AGTPBP1: variants seen among roughly 807,000 people sequenced by gnomAD.
The protein encoded by AGTPBP1 is ATP/GTP binding carboxypeptidase 1, also known as cytosolic carboxypeptidase 1.
Under a neutral mutation model 143.9 loss-of-function variants are expected in AGTPBP1, and 70 were observed. The ratio of observed to expected loss-of-function variants is 0.49; its 90% CI spans 0.40 to 0.59. The LOEUF is 0.59. Ranked by LOEUF, AGTPBP1 falls within the 20% of genes least tolerant of loss-of-function variation. The probability of loss-of-function intolerance (pLI) is 0.00; values close to 1 mark genes in which losing one functional copy is unlikely to be tolerated. For synonymous variants in AGTPBP1, 463 were observed against 500.2 expected, an observed-to-expected ratio of 0.93 and a Z score of 0.99; for missense variants, 1,229 against 1,464.5, an observed-to-expected ratio of 0.84 and a Z score of 2.62.
the AGTPBP1 span, chr9:85,764,870 C>T: frequency 1.3e-5 from 17 of 1,264,402 alleles, no homozygotes; most frequent in Admixed American, 1.7e-5. Flanking sequence ...GCTCCAGAAA[C>T]GAAGACACAT....
intron 25 of AGTPBP1, among the ~76,000 whole-genome samples, chr9:85,566,404 C>T (rs1223403807): frequency 6.6e-6 from 1 of 151,684 alleles, no homozygotes; most frequent in South Asian, 2.1e-4. Context: ...GTGGTATGTG[C>T]CTGTAGTCCC....
chr9:85,793,496 G>A, the AGTPBP1 span: 1 of 152,114 alleles, frequency 6.6e-6, no homozygotes, highest in Non-Finnish European at 1.5e-5. Flanking sequence ...GCAGTGTAAG[G>A]AATATTTTGT....
At chr9:85,620,256 AC>A (rs1289935333) in intron 15 of AGTPBP1, among the ~76,000 whole-genome samples, 1 of 152,076 alleles carries the variant, frequency 6.6e-6, no homozygotes, top group African/African-American at 2.4e-5. Context: ...TACTAAAAAT[AC>A]AGAAAAATTA....
Position 85,621,201 on chromosome 9 carries a change from C to G in AGTPBP1, c.2099+1G>C. On this transcript the variant is annotated splice_donor_variant, in intron 15 of 25. Transcript: ENST00000357081. LOFTEE classifies it high-confidence loss of function. ...AAAAGTTCATTAAAATCAAGACTTA[C>G]TTTGGGTTATCCAAGTCATATACCA... 1.4e-6 allele frequency: 2 copies of G among 1,444,304 alleles called. No homozygotes were observed. The highest frequency in any genetic ancestry group is 1.8e-6 in the Non-Finnish European group (2 of 1,097,798). 89.5% of individuals were successfully genotyped at this position (1,444,304 alleles called of 1,614,324 possible).
Position 85,586,820 on chromosome 9 carries a change from T to C in AGTPBP1, c.3033+11A>G. 2 of 1,611,002 alleles carry C rather than the reference T, an allele frequency of 1.2e-6. No homozygotes were observed. The highest frequency in any genetic ancestry group is 1.7e-6 in the Non-Finnish European group (2 of 1,177,864). On this transcript the variant is annotated intron_variant, in intron 22 of 25. Transcript: ENST00000357081. ...TGACTATCCCAAGTAAAAACAAGTA[T>C]TGCTACTTACCAAGGGTAAACGCTT... is the stretch of plus-strand genomic sequence containing the variant.
the AGTPBP1 span, among the ~76,000 whole-genome samples, chr9:85,772,804 C>A: frequency 1.3e-5 from 2 of 152,078 alleles, no homozygotes; most frequent in East Asian, 3.9e-4. Context: ...TTTATAACAT[C>A]CATTCTGGAG....
chr9:85,698,160 C>T (rs1836394460), intron 2 of AGTPBP1, among the ~76,000 whole-genome samples: 1 of 151,760 alleles, frequency 6.6e-6, no homozygotes, highest in Non-Finnish European at 1.5e-5. Context: ...ACATACAAAA[C>T]ACAGTGAATG....
the AGTPBP1 span, among the ~76,000 whole-genome samples, chr9:85,781,608 A>G: frequency 1.3e-5 from 2 of 152,220 alleles, no homozygotes; most frequent in Non-Finnish European, 2.9e-5. Context: ...GGGCTTGTAG[A>G]CCTTAACTCA....
rs1191359622 is a variant in AGTPBP1, at chr9:85,646,297, CTAAT to C, written c.1185+20_1185+23del. On this transcript the variant is annotated intron_variant, in intron 12 of 25. Transcript: ENST00000357081. ...TGTAGTATATCATTTATAAAGCTAA[CTAAT>C]TACAGAAATTTATACTAACCTTAAA... 1 of 1,555,944 alleles carries C rather than the reference CTAAT, an allele frequency of 6.4e-7. No individual in the cohort carries two copies. Among genetic ancestry groups the C allele is most frequent in the Non-Finnish European group, 8.8e-7 (1 of 1,130,472 alleles).
Position 85,588,306 on chromosome 9 carries a change from G to A in AGTPBP1, c.2895C>T (p.Ile965=), listed in dbSNP as rs746682508. 1.2e-6 allele frequency: 2 copies of A among 1,603,800 alleles called. No homozygotes were observed. ...ACTATTGCTTAACTTACTTTCCATTGATGACACCATCTGGATTTAACATAG... is the reference window on the plus strand; with the variant it reads ...ACTATTGCTTAACTTACTTTCCATTAATGACACCATCTGGATTTAACATAG... The part of the protein sequence containing the change: ...IVPMLNPDGV[I]NGNHRCSLSG... Residue 965 remains isoleucine, a synonymous_variant, in exon 21 of 26, where the codon ATC becomes ATT. Transcript: ENST00000357081.
chr9:85,774,125 T>C, the AGTPBP1 span: 3 of 923,996 alleles, frequency 3.2e-6, no homozygotes, highest in Admixed American at 6.3e-5. Context: ...ACTTAAAAGC[T>C]CAACATGTTT....
At chr9:85,567,031 T>C (rs765502140) in intron 25 of AGTPBP1, among the ~76,000 whole-genome samples, 1 of 152,202 alleles carries the variant, frequency 6.6e-6, no homozygotes, top group Non-Finnish European at 1.5e-5. Flanking sequence ...GTCTGAAATG[T>C]TAGTATCATG....
the AGTPBP1 span, among the ~76,000 whole-genome samples, chr9:85,784,818 T>C: frequency 2.6e-4 from 40 of 152,314 alleles, no homozygotes; most frequent in African/African-American, 9.4e-4. Flanking sequence ...GTCATCTAAA[T>C]GGTCAGTGGC....
chr9:85,601,294 G>A (rs13284834), intron 17 of AGTPBP1, among the ~76,000 whole-genome samples: 2 of 152,194 alleles, frequency 1.3e-5, no homozygotes, highest in African/African-American at 4.8e-5. Context: ...GGGGAGCCTA[G>A]GGATCACCCA....
intron 25 of AGTPBP1, among the ~76,000 whole-genome samples, chr9:85,573,298 G>A (rs1423089654): frequency 1.3e-5 from 2 of 152,344 alleles, no homozygotes; most frequent in Admixed American, 1.3e-4. Flanking sequence ...TGGAGACGGG[G>A]TTTCGCTGTG....
chr9:85,675,346 T>C (rs1834759883), intron 6 of AGTPBP1, among the ~76,000 whole-genome samples: 1 of 152,350 alleles, frequency 6.6e-6, no homozygotes, highest in South Asian at 2.1e-4. Flanking sequence ...CTTTGTTCTA[T>C]ATCCTATTTT....
chr9:85,670,608 A>G (rs562589160), intron 7 of AGTPBP1, among the ~76,000 whole-genome samples: 1 of 152,302 alleles, frequency 6.6e-6, no homozygotes, highest in South Asian at 2.1e-4. Context: ...ATGTGCCTGT[A>G]GTCTTAGCTG....
rs866934264 is a variant in AGTPBP1 at position 85,741,857 on chromosome 9, G to A, written c.-116C>T. ...CCTGGATCACGGCGGATCCCTCGCCGCCCGCCGCCCGGTGTTTTCATACAA... is the reference window on the plus strand; with the variant it reads ...CCTGGATCACGGCGGATCCCTCGCCACCCGCCGCCCGGTGTTTTCATACAA... On this transcript the variant is annotated 5_prime_UTR_variant, in exon 1 of 26. Transcript: ENST00000357081. 2 of 1,396,754 alleles carry A rather than the reference G, an allele frequency of 1.4e-6. No homozygotes were observed. Among genetic ancestry groups the A allele is most frequent in the South Asian group, 1.5e-5 (1 of 65,922 alleles). 86.5% of individuals were successfully genotyped at this position (1,396,754 alleles called of 1,614,324 possible). A position where few individuals can be genotyped will look rare whatever the true frequency, so the allele number is the denominator to read the frequency against.
rs781222959 is a variant in AGTPBP1 at position 85,657,295 on chromosome 9, G to A, written c.909+140C>T. The A allele has an allele frequency of 1.4e-4, 99 of 706,968 alleles. 1 individual carries two copies. Among genetic ancestry groups the A allele is most frequent in the Non-Finnish European group, 2.0e-4 (87 of 440,772 alleles). The allele number at this position is 706,968 out of a possible 1,614,324, so 43.8% of individuals were successfully genotyped here. A position where few individuals can be genotyped will look rare whatever the true frequency, so the allele number is the denominator to read the frequency against. Reference sequence around the variant, plus strand: ...GAGGTCACATGTGAGAAATAATTGTGTCTTTTACTTTTAAGATTTTCGAAA... The same window carrying A: ...GAGGTCACATGTGAGAAATAATTGTATCTTTTACTTTTAAGATTTTCGAAA... On this transcript the variant is annotated intron_variant, in intron 10 of 25. Coordinates refer to ENST00000357081, the MANE Select transcript of AGTPBP1 (RefSeq NM_001330701.2).
Sources: allele counts gnomAD v4.1 joint callset (sites outside exome capture counted in the v4.1 genomes callset), GRCh38; gene constraint gnomAD v4.1.1; transcripts MANE v1.5; gene names NCBI Gene and HGNC (gene_info 2026-07-23, HGNC 2026-07-21).